Variants in GAB2 observed in about 807,000 individuals in gnomAD.
GAB2 encodes the protein GRB2 associated binding protein 2.
A neutral mutation model predicts 65.5 loss-of-function variants in GAB2; 26 were observed. The ratio of observed to expected loss-of-function variants is 0.40; its 90% CI spans 0.29 to 0.55. The LOEUF (loss-of-function observed/expected upper bound fraction) is 0.55, where lower values mean the gene tolerates loss of function less well. Among genes scored for constraint, GAB2 ranks in the 20% least tolerant of loss-of-function variants. The probability of loss-of-function intolerance (pLI) is 0.53; values close to 1 mark genes in which losing one functional copy is unlikely to be tolerated. For missense variants in GAB2, 884 were observed against 875.8 expected (o/e 1.01, Z -0.12); for synonymous variants, 321 against 329.6 (o/e 0.97, Z 0.28).
chr11:78,223,435 C>A lies in GAB2; in HGVS notation c.1544G>T (p.Arg515Leu). The change falls in exon 6 of 10, where the codon CGC becomes CTC. Residue 515 changes from arginine (R) to leucine (L), a missense_variant. Arg to Leu is a moderately radical substitution (Grantham distance 102). Coordinates refer to ENST00000361507, the MANE Select transcript of GAB2 (RefSeq NM_080491.3). ...ACCTTTCCGATCAGGTTTGAGGTTG[C>A]GGTTGACAGGGGGTGGCTGAATCTC... ...GSEIQPPPVN[R>L]NLKPDRKAKP... 1 of 1,567,056 alleles carries A rather than the reference C, an allele frequency of 6.4e-7. No homozygotes were observed.
chr11:78,388,714 G>T (rs1289862747), intron 1 of GAB2, among the ~76,000 whole-genome samples: 1 of 152,084 alleles, frequency 6.6e-6, no homozygotes, highest in African/African-American at 2.4e-5. Context: ...CCAACCTTTT[G>T]CCCTCAGAGC....
At chr11:78,337,137 A>T (rs1294658499) in intron 1 of GAB2, among the ~76,000 whole-genome samples, 2 of 152,216 alleles carry the variant, frequency 1.3e-5, no homozygotes, top group African/African-American at 2.4e-5. Flanking sequence ...ATGTTCATCT[A>T]ATACCTTTGG....
At chr11:78,278,892 T>A (rs1866250762) in intron 2 of GAB2, among the ~76,000 whole-genome samples, 1 of 152,118 alleles carries the variant, frequency 6.6e-6, no homozygotes. Context: ...CTAATTTTTA[T>A]TTTTTATCGA....
intron 1 of GAB2, 29 bp downstream of exon 1, chr11:78,417,617 C>A: frequency 2.4e-6 from 3 of 1,270,514 alleles, no homozygotes; most frequent in South Asian, 3.1e-5. Context: ...GCCCCCCGCC[C>A]GCCCCTGGGC....
chr11:78,327,043 T>C (rs568787865), intron 1 of GAB2, among the ~76,000 whole-genome samples: 1 of 152,310 alleles, frequency 6.6e-6, no homozygotes, highest in Admixed American at 6.5e-5. Context: ...CACCATTCTT[T>C]GTCTATACTC....
intron 1 of GAB2, among the ~76,000 whole-genome samples, chr11:78,318,970 T>G (rs940040491): frequency 6.6e-6 from 1 of 152,148 alleles, no homozygotes; most frequent in African/African-American, 2.4e-5. Context: ...CACAGCATTA[T>G]CCCAGCAACC....
chr11:78,335,827 T>C (rs1167386705), intron 1 of GAB2, among the ~76,000 whole-genome samples: 1 of 152,186 alleles, frequency 6.6e-6, no homozygotes, highest in Non-Finnish European at 1.5e-5. Flanking sequence ...TTGGGTAGTA[T>C]GGACATTTTA....
At chr11:78,417,537 G>A (rs1857215131) in intron 1 of GAB2, 109 bp downstream of exon 1, 2 of 281,250 alleles carry the variant, frequency 7.1e-6, no homozygotes, top group African/African-American at 2.4e-5. Flanking sequence ...GGCCCCCCGC[G>A]GCTCCGGGCC....
At chr11:78,283,078 T>C (rs1866375461) in intron 1 of GAB2, among the ~76,000 whole-genome samples, 1 of 152,200 alleles carries the variant, frequency 6.6e-6, no homozygotes, top group South Asian at 2.1e-4. Context: ...TGCCCAACAA[T>C]CCTACTATAT....
At chr11:78,372,237 C>G (rs1199284664) in intron 1 of GAB2, among the ~76,000 whole-genome samples, 1 of 152,166 alleles carries the variant, frequency 6.6e-6, no homozygotes, top group South Asian at 2.1e-4. Flanking sequence ...TCTCTCTGAG[C>G]TCTCACCCTC....
chr11:78,385,741 G>A (rs1565180874), intron 1 of GAB2, among the ~76,000 whole-genome samples: 2 of 152,150 alleles, frequency 1.3e-5, no homozygotes, highest in African/African-American at 4.8e-5. Context: ...CCAAACTGAG[G>A]AAAGTTACCA....
intron 1 of GAB2, 58 bp from the exon 2 acceptor site, chr11:78,280,959 G>T: frequency 1.4e-6 from 2 of 1,447,840 alleles, no homozygotes; most frequent in Non-Finnish European, 1.9e-6. Context: ...TTATTTCAAA[G>T]CTTTTTTCTT....
At chr11:78,387,035 T>C (rs138446537) in intron 1 of GAB2, among the ~76,000 whole-genome samples, 1 of 152,304 alleles carries the variant, frequency 6.6e-6, no homozygotes, top group African/African-American at 2.4e-5. Flanking sequence ...AAATAATGAA[T>C]GAATGAATCA....
At chr11:78,362,340 C>G (rs2134718174) in intron 1 of GAB2, among the ~76,000 whole-genome samples, 1 of 152,086 alleles carries the variant, frequency 6.6e-6, no homozygotes, top group East Asian at 1.9e-4. Flanking sequence ...CATGTATTAT[C>G]TATTAAATTT....
At chr11:78,299,017 C>G (rs574088853) in intron 1 of GAB2, among the ~76,000 whole-genome samples, 2 of 152,274 alleles carry the variant, frequency 1.3e-5, no homozygotes, top group Admixed American at 6.5e-5. Context: ...GAATACCAGG[C>G]CTCAGTCTCA....
chr11:78,268,253 A>G (rs2512540), intron 2 of GAB2, among the ~76,000 whole-genome samples: 23,907 of 152,226 alleles, frequency 0.16, 2,426 homozygotes, highest in East Asian at 0.4. Flanking sequence ...TTACTGTTGA[A>G]GAAACTGAGA....
Position 78,219,370 on chromosome 11 carries a change from G to C in GAB2, c.1933C>G (p.Gln645Glu), listed in dbSNP as rs766302085. ...VTSDEKVDYVQVDKEKTQALQ... is the reference protein window; with the variant it reads ...VTSDEKVDYVEVDKEKTQALQ... ...GCCTGGGTCTTCTCCTTGTCCACCT[G>C]AACGTAGTCCACCTTCTCATCAGAG... The change falls in exon 10 of 10, where the codon CAG (glutamine) becomes GAG (glutamate). Residue 645 changes from glutamine (Q) to glutamate (E), a missense_variant. By Grantham distance (29) the Gln-to-Glu change is conservative. Coordinates refer to ENST00000361507, the MANE Select transcript of GAB2 (RefSeq NM_080491.3). 5 of 1,613,860 alleles carry C rather than the reference G, an allele frequency of 3.1e-6. 1 individual carries two copies. The South Asian group carries it at 3.3e-5, about 11-fold the overall frequency.
At chr11:78,336,010 C>T (rs770990343) in intron 1 of GAB2, among the ~76,000 whole-genome samples, 6 of 151,864 alleles carry the variant, frequency 4.0e-5, no homozygotes, top group Admixed American at 6.6e-5. Context: ...AATGGGATTA[C>T]TTTTTAAAAA....
intron 1 of GAB2, among the ~76,000 whole-genome samples, chr11:78,339,493 T>C (rs935139059): frequency 1.3e-5 from 2 of 152,202 alleles, no homozygotes; most frequent in Admixed American, 6.5e-5. Flanking sequence ...GCTTATGCCC[T>C]ACAATACAAC....
Sources: gnomAD v4.1 joint callset for allele counts (sites outside exome capture counted in the v4.1 genomes callset) on GRCh38, gnomAD v4.1.1 for gene constraint, MANE v1.5 for transcripts, NCBI Gene and HGNC (gene_info 2026-07-23, HGNC 2026-07-21) for gene names.